Variants in WDR27 observed in about 807,000 individuals in gnomAD.
The protein encoded by WDR27 is WD repeat-containing protein 27.
In WDR27, 100 loss-of-function variants were observed where a neutral mutation model predicts 114.4. The observed-to-expected ratio is 0.87, with a 90% CI of 0.74 to 1.03. The LOEUF is 1.03. WDR27 is among the 50% of genes least tolerant of loss of function. WDR27 has a pLI of 0.00. For synonymous variants in WDR27, 449 were observed against 423.1 expected (o/e 1.06, Z -0.75); for missense variants, 1,129 against 1,092.9 (o/e 1.03, Z -0.47).
At chr6:169,473,665 A>G (rs1786741685) in intron 25 of WDR27, among the ~76,000 whole-genome samples, 1 of 151,366 alleles carries the variant, frequency 6.6e-6, no homozygotes, top group African/African-American at 2.4e-5. Flanking sequence ...GAGCTAAAGA[A>G]AAAAAAAACA....
intron 25 of WDR27, among the ~76,000 whole-genome samples, chr6:169,497,297 A>C (rs912410127): frequency 1.3e-5 from 2 of 152,162 alleles, no homozygotes; most frequent in African/African-American, 4.8e-5. Flanking sequence ...TGAATGGAAG[A>C]CTGAAAACAA....
chr6:169,547,101 A>T (rs1284418511), intron 25 of WDR27, among the ~76,000 whole-genome samples: 2 of 152,200 alleles, frequency 1.3e-5, no homozygotes, highest in African/African-American at 2.4e-5. Flanking sequence ...CAATTCTTTG[A>T]AAGACACAAT....
In WDR27 at chr6:169,602,313, C is replaced by T. The variant is rs377120387; in HGVS notation, c.2330G>A (p.Arg777His). ...LWDLRTLRCE[R>H]HFEGHPTRGY... ...GCGGGTTGGATGCCCTTCAAAGTGG[C>T]GCTCACACCTACAGGGAGGAAAGAA... The change falls in exon 23 of 26, where the codon CGC (arginine) becomes CAC (histidine). Residue 777 changes from arginine to histidine, a missense_variant. By Grantham distance (29) the Arg-to-His change is conservative. Coordinates refer to ENST00000448612, the MANE Select transcript of WDR27 (RefSeq NM_182552.5). 115 of 1,545,640 alleles carry T rather than the reference C, an allele frequency of 7.4e-5. No individual in the cohort carries two copies. Among genetic ancestry groups the T allele is most frequent in the Non-Finnish European group, 9.5e-5 (108 of 1,140,288 alleles).
At chr6:169,455,079 C>A (rs1376697757), downstream of WDR27, among the ~76,000 whole-genome samples, 3 of 152,220 alleles carry the variant, frequency 2.0e-5, no homozygotes, top group African/African-American at 7.2e-5. Context: ...GCAGCTGAGC[C>A]CTCCCGGACA....
chr6:169,667,277 T>C, intron 5 of WDR27, 90 bp from the exon 6 acceptor site: 1 of 1,312,720 alleles, frequency 7.6e-7, no homozygotes, highest in East Asian at 3.1e-5. Flanking sequence ...ACTATCAGAT[T>C]AGTCAACACA....
At chr6:169,603,982 C>G (rs1028075737) in intron 22 of WDR27, among the ~76,000 whole-genome samples, 1 of 152,098 alleles carries the variant, frequency 6.6e-6, no homozygotes, top group Non-Finnish European at 1.5e-5. Context: ...AAAGTTTATA[C>G]CATCAAATGC....
At chr6:169,481,576 C>T (rs549621735) in intron 25 of WDR27, among the ~76,000 whole-genome samples, 1 of 152,356 alleles carries the variant, frequency 6.6e-6, no homozygotes, top group Non-Finnish European at 1.5e-5. Context: ...TGCAGCTTCA[C>T]TCCTGAGGCC....
chr6:169,430,093 G>A, the WDR27 span, among the ~76,000 whole-genome samples: 2 of 152,332 alleles, frequency 1.3e-5, no homozygotes, highest in South Asian at 4.1e-4. Flanking sequence ...ATGGGGCTGT[G>A]TCTTGGAGGC....
chr6:169,513,325 TTG>T (rs1793154310), intron 25 of WDR27, among the ~76,000 whole-genome samples: 1 of 152,116 alleles, frequency 6.6e-6, no homozygotes, highest in Non-Finnish European at 1.5e-5. Context: ...GCCCTGGAAA[TTG>T]TACAGCCTCC....
At chr6:169,456,308 G>C (rs992377905), downstream of WDR27, among the ~76,000 whole-genome samples, 3 of 152,164 alleles carry the variant, frequency 2.0e-5, no homozygotes, top group African/African-American at 7.2e-5. The surrounding 1 kb of genome is among the most constrained non-coding windows in gnomAD (Gnocchi z 4.0). Flanking sequence ...TCAACCCTGT[G>C]ACATTTCTTA....
the WDR27 span, chr6:169,426,852 C>G: frequency 6.5e-6 from 1 of 153,070 alleles, no homozygotes; most frequent in Non-Finnish European, 1.5e-5. Context: ...TGCCTGCTGC[C>G]TGCTGCTTGC....
chr6:169,633,543 C>T (rs1055322618), intron 20 of WDR27, among the ~76,000 whole-genome samples: 1 of 152,184 alleles, frequency 6.6e-6, no homozygotes, highest in Non-Finnish European at 1.5e-5. Flanking sequence ...GTGACCGTGA[C>T]GTGCTTCATA....
chr6:169,643,095 G>C (rs2128230170), intron 17 of WDR27, among the ~76,000 whole-genome samples: 1 of 152,276 alleles, frequency 6.6e-6, no homozygotes, highest in South Asian at 2.1e-4. Context: ...AAAACAGAAG[G>C]ACTAGTGAGA....
At chr6:169,596,620 A>C (rs1001524255) in intron 23 of WDR27, among the ~76,000 whole-genome samples, 31 of 151,680 alleles carry the variant, frequency 2.0e-4, no homozygotes, top group Admixed American at 1.4e-3. Context: ...TTTTTTTTGT[A>C]TTATTAAAAA....
chr6:169,650,660 TCCA>T (rs373539622), intron 14 of WDR27, among the ~76,000 whole-genome samples: 39 of 136,030 alleles, frequency 2.9e-4, no homozygotes, highest in South Asian at 2.8e-3. Context: ...CCACCATCCA[TCCA>T]CCAACTCATC....
Position 169,613,639 on chromosome 6 carries a change from G to T in WDR27, c.2241C>A (p.Thr747=). 1 of 1,613,436 alleles carries T rather than the reference G, an allele frequency of 6.2e-7. No individual in the cohort carries two copies. Among genetic ancestry groups the T allele is most frequent in the Non-Finnish European group, 8.5e-7 (1 of 1,179,514 alleles). ...AAAGGTTATAAGCCTGAGGCTGTTG[G>T]GTTGTAAATGATGAACCCTATAATT... ...ICQNKGSSFT[T]QQPQAYNLFL... is the part of the protein sequence containing the mutation. Residue 747 remains threonine (T), a synonymous_variant, in exon 22 of 26, where the codon ACC becomes ACA. Coordinates refer to ENST00000448612, the MANE Select transcript of WDR27 (RefSeq NM_182552.5).
chr6:169,450,181 G>A, the WDR27 span, among the ~76,000 whole-genome samples: 26 of 152,158 alleles, frequency 1.7e-4, no homozygotes, highest in Non-Finnish European at 3.4e-4. Flanking sequence ...CATGGGCACC[G>A]CTCTGCTCTG....
intron 8 of WDR27, 26 bp from the exon 9 acceptor site, chr6:169,662,450 A>C: frequency 6.2e-7 from 1 of 1,610,890 alleles, no homozygotes; most frequent in Non-Finnish European, 8.5e-7. Flanking sequence ...TTGAGAATCT[A>C]AGAAGTGAAC....
intron 25 of WDR27, among the ~76,000 whole-genome samples, chr6:169,498,179 A>G (rs1242062706): frequency 1.3e-5 from 2 of 152,102 alleles, no homozygotes; most frequent in Non-Finnish European, 2.9e-5. Flanking sequence ...ATATGATTCT[A>G]TTTATATGAG....
Sources: allele counts gnomAD v4.1 joint callset (sites outside exome capture counted in the v4.1 genomes callset), GRCh38; gene constraint gnomAD v4.1.1; non-coding constraint Gnocchi (gnomAD v3.1); transcripts MANE v1.5; gene names NCBI Gene and HGNC (gene_info 2026-07-23, HGNC 2026-07-21).